ME1: variants seen among roughly 807,000 people sequenced by gnomAD.
ME1 encodes the protein NADP-dependent malic enzyme.
Under a neutral mutation model 66.4 loss-of-function variants are expected in ME1, and 74 were observed. The observed-to-expected ratio is 1.11, with a 90% confidence interval of 0.92 to 1.35. The LOEUF (loss-of-function observed/expected upper bound fraction) is 1.35, where lower values mean the gene tolerates loss of function less well. Among genes scored for constraint, ME1 ranks in the 40% most tolerant of loss-of-function variants. ME1 has a pLI of 0.00. For missense variants in ME1, 750 were observed against 694.1 expected, an observed-to-expected ratio of 1.08 and a Z score of -0.90; for synonymous variants, 251 against 235.6, an observed-to-expected ratio of 1.07 and a Z score of -0.60.
chr6:83,242,853 A>G (rs1312505921), intron 7 of ME1, among the ~76,000 whole-genome samples: 7 of 152,136 alleles, frequency 4.6e-5, no homozygotes, highest in Admixed American at 2.0e-4. Context: ...GTGGGGAATA[A>G]GTGACCAGAC....
At chr6:83,351,398 GAACA>G (rs2128544525) in intron 4 of ME1, among the ~76,000 whole-genome samples, 1 of 152,216 alleles carries the variant, frequency 6.6e-6, no homozygotes, top group South Asian at 2.1e-4. Context: ...ACCAAAGGGA[GAACA>G]AACACTTCTC....
intron 3 of ME1, among the ~76,000 whole-genome samples, chr6:83,357,935 C>CTATATATATATATATATATA (rs60624497): frequency 3.3e-5 from 1 of 30,040 alleles, no homozygotes; most frequent in Non-Finnish European, 5.9e-5. Context: ...CTCTCTCTCT[C>CTATATATATATATATATATA]TATATATATA....
chr6:83,244,426 A>C (rs552986312), intron 7 of ME1, among the ~76,000 whole-genome samples: 427 of 152,262 alleles, frequency 2.8e-3, no homozygotes, highest in African/African-American at 9.5e-3. Context: ...TTTTGGGGTC[A>C]GATCATGTAG....
intron 3 of ME1, among the ~76,000 whole-genome samples, chr6:83,356,092 A>G (rs144518580): frequency 1.3e-3 from 191 of 152,260 alleles, no homozygotes; most frequent in African/African-American, 3.9e-3. Context: ...TAATATCCCT[A>G]AAAGTTTATT....
intron 12 of ME1, among the ~76,000 whole-genome samples, chr6:83,222,372 T>A (rs1205854957): frequency 6.6e-6 from 1 of 152,214 alleles, no homozygotes; most frequent in East Asian, 1.9e-4. Flanking sequence ...ACCAAGATTA[T>A]GCTCCTTTAG....
chr6:83,276,495 C>G (rs1767184719), intron 6 of ME1, among the ~76,000 whole-genome samples: 1 of 152,164 alleles, frequency 6.6e-6, no homozygotes, highest in African/African-American at 2.4e-5. Context: ...TATTCCATGA[C>G]ATTAAAAATG....
intron 3 of ME1, among the ~76,000 whole-genome samples, chr6:83,376,056 T>C (rs1769281628): frequency 6.6e-6 from 1 of 152,212 alleles, no homozygotes; most frequent in Non-Finnish European, 1.5e-5. Flanking sequence ...TTATTACAAA[T>C]TAACAAATGA....
At chr6:83,364,713 ATATCTATC>A (rs532188010) in intron 3 of ME1, among the ~76,000 whole-genome samples, 1 of 151,388 alleles carries the variant, frequency 6.6e-6, no homozygotes, top group African/African-American at 2.4e-5. Context: ...GGGTATATAC[ATATCTATC>A]TATCTATCTA....
At chr6:83,311,048 C>T (rs77074338) in intron 6 of ME1, among the ~76,000 whole-genome samples, 2 of 152,154 alleles carry the variant, frequency 1.3e-5, no homozygotes, top group African/African-American at 2.4e-5. Context: ...CACAAAGTGG[C>T]CTTCCCCTTC....
intron 5 of ME1, among the ~76,000 whole-genome samples, chr6:83,322,713 C>G (rs1482504345): frequency 6.6e-6 from 1 of 152,086 alleles, no homozygotes; most frequent in Non-Finnish European, 1.5e-5. Flanking sequence ...GAGAATGGAA[C>G]CAAGTTGGAA....
chr6:83,216,390 G>A, intron 13 of ME1, 108 bp downstream of exon 13: 1 of 800,356 alleles, frequency 1.2e-6, no homozygotes, highest in Non-Finnish European at 2.1e-6. Flanking sequence ...GACATAGTAA[G>A]TTGATACAGA....
At chr6:83,319,819 A>G (rs1012550023) in intron 5 of ME1, among the ~76,000 whole-genome samples, 3 of 152,180 alleles carry the variant, frequency 2.0e-5, no homozygotes, top group African/African-American at 7.2e-5. Context: ...CAGAATTGCT[A>G]TGTACCATTT....
At chr6:83,325,464 C>A (rs540015062) in intron 5 of ME1, among the ~76,000 whole-genome samples, 16 of 152,130 alleles carry the variant, frequency 1.1e-4, no homozygotes, top group African/African-American at 3.9e-4. Flanking sequence ...ATTTAGAAAA[C>A]CCCATTGTCT....
At chr6:83,273,470 A>G (rs1284782293) in intron 6 of ME1, among the ~76,000 whole-genome samples, 1 of 152,196 alleles carries the variant, frequency 6.6e-6, no homozygotes, top group African/African-American at 2.4e-5. Context: ...AAAAGGTTCT[A>G]AAACAATCAA....
At chr6:83,422,230 C>A (rs999464262) in intron 1 of ME1, among the ~76,000 whole-genome samples, 1 of 152,116 alleles carries the variant, frequency 6.6e-6, no homozygotes, top group Non-Finnish European at 1.5e-5. Flanking sequence ...CCACACTATC[C>A]ACTGGGCGGT....
chr6:83,228,324 C>T (rs1790236916), intron 10 of ME1, among the ~76,000 whole-genome samples: 1 of 152,162 alleles, frequency 6.6e-6, no homozygotes, highest in Non-Finnish European at 1.5e-5. Context: ...TTCTCAACCT[C>T]AGCACTATTG....
At chr6:83,398,223 T>C (rs1769776027) in intron 3 of ME1, 144 bp downstream of exon 3, 1 of 549,516 alleles carries the variant, frequency 1.8e-6, no homozygotes, top group Non-Finnish European at 3.0e-6. Context: ...AATGTATACA[T>C]GTTTCAGAAC....
chr6:83,345,866 TA>T (rs1241939789), intron 5 of ME1, among the ~76,000 whole-genome samples: 1 of 152,072 alleles, frequency 6.6e-6, no homozygotes, highest in Non-Finnish European at 1.5e-5. Context: ...TCCTATATAA[TA>T]AAAAAATAAT....
intron 5 of ME1, 83 bp from the exon 6 acceptor site, chr6:83,315,496 G>A: frequency 1.3e-6 from 1 of 793,916 alleles, no homozygotes; most frequent in South Asian, 1.6e-5. Flanking sequence ...CTGTATAAAA[G>A]GGACAAAAAT....
Sources: allele counts gnomAD v4.1 joint callset (sites outside exome capture counted in the v4.1 genomes callset), GRCh38; gene constraint gnomAD v4.1.1; transcripts MANE v1.5; gene names NCBI Gene and HGNC (gene_info 2026-07-23, HGNC 2026-07-21).